CDH9: variants seen among roughly 807,000 people sequenced by gnomAD.
CDH9 encodes the protein cadherin-9.
CDH9 carries 28 observed loss-of-function variants against 70.9 expected under a neutral mutation model. That is an observed-to-expected ratio of 0.40 (90% CI 0.29 to 0.54). CDH9 has a LOEUF of 0.54. Among genes scored for constraint, CDH9 ranks in the 20% least tolerant of loss-of-function variants. The probability of loss-of-function intolerance (pLI) is 0.59; values close to 1 mark genes in which losing one functional copy is unlikely to be tolerated. For synonymous variants in CDH9, 409 were observed against 343.1 expected (o/e 1.19, Z -2.12); for missense variants, 874 against 984.4 (o/e 0.89, Z 1.50).
intron 2 of CDH9, among the ~76,000 whole-genome samples, chr5:26,948,018 T>G (rs955660669): frequency 6.6e-6 from 1 of 152,062 alleles, no homozygotes; most frequent in Non-Finnish European, 1.5e-5. Context: ...AACTTCTCCA[T>G]TTATTGGTGG....
intron 2 of CDH9, among the ~76,000 whole-genome samples, chr5:26,965,662 A>G (rs2112067178): frequency 6.6e-6 from 1 of 151,396 alleles, no homozygotes; most frequent in South Asian, 2.1e-4. Context: ...GGAAACAAAA[A>G]TTGGACAACT....
intron 3 of CDH9, 58 bp downstream of exon 3, chr5:26,915,572 A>C: frequency 3.1e-6 from 3 of 983,074 alleles, no homozygotes; most frequent in Non-Finnish European, 3.2e-6. Flanking sequence ...AGTCAATAAT[A>C]ATTACCTGAG....
chr5:26,974,418 A>C (rs963496971), intron 2 of CDH9, among the ~76,000 whole-genome samples: 15 of 152,098 alleles, frequency 9.9e-5, no homozygotes, highest in African/African-American at 3.1e-4. Context: ...TGTTCATTTG[A>C]GATCTCCTAT....
chr5:26,997,245 G>A (rs1579502730), intron 1 of CDH9, among the ~76,000 whole-genome samples: 2 of 151,940 alleles, frequency 1.3e-5, no homozygotes, highest in Non-Finnish European at 2.9e-5. Flanking sequence ...TTTCTGAGAT[G>A]CATATGTGTG....
At chr5:26,992,088 C>T (rs1040461343) in intron 1 of CDH9, among the ~76,000 whole-genome samples, 8 of 152,228 alleles carry the variant, frequency 5.3e-5, no homozygotes, top group East Asian at 1.9e-4. Context: ...ATAAGCAGCA[C>T]GCAACCTAGA....
intron 7 of CDH9, among the ~76,000 whole-genome samples, chr5:26,896,699 G>T (rs934100504): frequency 6.6e-6 from 1 of 151,970 alleles, no homozygotes; most frequent in African/African-American, 2.4e-5. Flanking sequence ...AGCACTAAAT[G>T]CCCACAGGAG....
At chr5:27,009,316 A>C (rs1354646380) in intron 1 of CDH9, among the ~76,000 whole-genome samples, 1 of 152,144 alleles carries the variant, frequency 6.6e-6, no homozygotes, top group African/African-American at 2.4e-5. Context: ...AAACCTATGC[A>C]TTAAAAGATA....
intron 3 of CDH9, among the ~76,000 whole-genome samples, chr5:26,909,804 A>G (rs534518834): frequency 3.9e-5 from 6 of 152,162 alleles, no homozygotes; most frequent in Admixed American, 2.6e-4. Flanking sequence ...AATCTTTAGG[A>G]AAATTTCAAA....
intron 2 of CDH9, among the ~76,000 whole-genome samples, chr5:26,966,303 G>A (rs984017548): frequency 6.6e-6 from 1 of 152,104 alleles, no homozygotes; most frequent in African/African-American, 2.4e-5. Context: ...GTCCAGTCCT[G>A]ACCCCTGCAG....
chr5:26,991,769 C>G (rs1742583086), intron 1 of CDH9, among the ~76,000 whole-genome samples: 1 of 151,996 alleles, frequency 6.6e-6, no homozygotes, highest in Non-Finnish European at 1.5e-5. Flanking sequence ...TATTTATGAA[C>G]TAGGTGGATG....
intron 7 of CDH9, 87 bp downstream of exon 7, chr5:26,902,389 C>T: frequency 1.2e-6 from 1 of 842,790 alleles, no homozygotes; most frequent in South Asian, 1.7e-5. Context: ...CTTGATTATA[C>T]ATTGTGCAAC....
intron 1 of CDH9, among the ~76,000 whole-genome samples, chr5:27,024,977 A>T (rs1743197817): frequency 6.6e-6 from 1 of 152,136 alleles, no homozygotes; most frequent in Non-Finnish European, 1.5e-5. Context: ...TAAGCAATGC[A>T]GAAAAAAATA....
At chr5:26,926,538 T>C (rs1300765185) in intron 2 of CDH9, among the ~76,000 whole-genome samples, 2 of 152,044 alleles carry the variant, frequency 1.3e-5, no homozygotes, top group African/African-American at 4.8e-5. Context: ...ATAGATTCAA[T>C]GCCATCCCCA....
chr5:27,032,344 G>C (rs1307507625), intron 1 of CDH9, among the ~76,000 whole-genome samples: 1 of 151,364 alleles, frequency 6.6e-6, no homozygotes. Context: ...AAACAAAAAA[G>C]ACAGATGAAT....
At position 26,927,757 on chromosome 5, in the gene CDH9, T is replaced by C. The variant is rs1741368894; in HGVS notation, c.229-11833A>G. On this transcript the variant is annotated intron_variant, in intron 2 of 11. Transcript: ENST00000231021. ...ATATGGACTCTGCCCTTAAAGAGTT[T>C]GCATTTCACAGTAAAATAAACTTAT... Among the ~76,000 whole-genome samples, 3 of 152,046 alleles carry C rather than the reference T, an allele frequency of 2.0e-5. No individual in the cohort carries two copies. In the South Asian group the frequency reaches 6.2e-4, roughly 31 times the overall value.
chr5:26,989,731 T>A (rs529709018), intron 1 of CDH9, among the ~76,000 whole-genome samples: 1 of 152,216 alleles, frequency 6.6e-6, no homozygotes, highest in South Asian at 2.1e-4. Context: ...AAACCCAATG[T>A]TGGACCAAGC....
Position 26,988,132 on chromosome 5 carries a change from C to T in CDH9, c.202G>A (p.Gly68Ser), listed in dbSNP as rs1267805406. The T allele has an allele frequency of 1.9e-6, 3 of 1,612,546 alleles. No homozygotes were observed. The Admixed American group carries it at 5.0e-5, about 27-fold the overall frequency. ...NQFFLLEEYT[G>S]TDTQYVGKLH... ...TTGCCTACATATTGTGTGTCAGTAC[C>T]TGTGTACTCTTCCAATAAGAAGAAC... Residue 68 changes from glycine (G) to serine (S), a missense_variant, in exon 2 of 12, where the codon GGT (glycine) becomes AGT (serine). Transcript: ENST00000231021.
At chr5:26,908,405 T>C (rs1740986743) in intron 3 of CDH9, among the ~76,000 whole-genome samples, 1 of 152,106 alleles carries the variant, frequency 6.6e-6, no homozygotes, top group African/African-American at 2.4e-5. Context: ...TTAGAATAAG[T>C]GTGGTTTTCA....
intron 3 of CDH9, among the ~76,000 whole-genome samples, chr5:26,910,256 T>TATCTATCTATCTATCTATC (rs36175795): frequency 1.1e-3 from 170 of 150,132 alleles, no homozygotes; most frequent in East Asian, 1.4e-3. Flanking sequence ...TCTATCTATC[T>TATCTATCTATCTATCTATC]ATCTATCTGG....
Sources: allele counts gnomAD v4.1 joint callset (sites outside exome capture counted in the v4.1 genomes callset), GRCh38; gene constraint gnomAD v4.1.1; transcripts MANE v1.5; gene names NCBI Gene and HGNC (gene_info 2026-07-23, HGNC 2026-07-21).